RNGTT: variants seen among roughly 807,000 people sequenced by gnomAD.
RNGTT encodes mRNA-capping enzyme.
Under a neutral mutation model 79.3 loss-of-function variants are expected in RNGTT, and 33 were observed. That is an observed-to-expected ratio of 0.42 (90% CI 0.32 to 0.56). The LOEUF (loss-of-function observed/expected upper bound fraction) is 0.56. Among genes scored for constraint, RNGTT ranks in the 20% least tolerant of loss-of-function variants. The pLI is 0.17. For missense variants in RNGTT, 497 were observed against 739.1 expected, an observed-to-expected ratio of 0.67 and a Z score of 3.80; for synonymous variants, 222 against 235.9, an observed-to-expected ratio of 0.94 and a Z score of 0.54.
intron 1 of RNGTT, among the ~76,000 whole-genome samples, chr6:88,952,377 T>C (rs9353636): frequency 0.042 from 6,354 of 152,222 alleles, 193 homozygotes; most frequent in African/African-American, 0.078. Context: ...CTTGGGAGCT[T>C]TATGCCCCAC....
chr6:88,707,138 T>C lies in RNGTT; in HGVS notation c.1440-28719A>G, dbSNP rs576813880. 1.1e-3 allele frequency among the ~76,000 whole-genome samples: 174 copies of C among 152,298 alleles called. 5 individuals are homozygous for C. The highest frequency in any genetic ancestry group is 4.0e-3 in the African/African-American group (167 of 41,558). ...AACACTAATAATCATTTACATTTTA[T>C]TGTATCAGTCAATAAGATGAGTAAA... On this transcript the variant is annotated intron_variant, in intron 13 of 15. Transcript: ENST00000369485.
chr6:88,764,244 TC>T (rs1198248985), intron 13 of RNGTT, among the ~76,000 whole-genome samples: 1 of 152,238 alleles, frequency 6.6e-6, no homozygotes, highest in African/African-American at 2.4e-5. Flanking sequence ...AGACAATTCT[TC>T]AACTAAATTC....
At chr6:88,734,802 T>C (rs1389259543) in intron 13 of RNGTT, among the ~76,000 whole-genome samples, 1 of 152,154 alleles carries the variant, frequency 6.6e-6, no homozygotes, top group Non-Finnish European at 1.5e-5. Context: ...TTCACTACAG[T>C]ATTCAATAAG....
chr6:88,700,413 A>G (rs1031777242), intron 13 of RNGTT, among the ~76,000 whole-genome samples: 1 of 151,848 alleles, frequency 6.6e-6, no homozygotes, highest in Non-Finnish European at 1.5e-5. Flanking sequence ...TTCCTTCCTC[A>G]TCTCCTCCTT....
chr6:88,620,056 G>A (rs143676878), intron 14 of RNGTT, among the ~76,000 whole-genome samples: 10 of 152,230 alleles, frequency 6.6e-5, no homozygotes, highest in East Asian at 1.9e-4. Context: ...TTTAAAACAC[G>A]TTAGACTAGT....
rs1784826879 is a variant in RNGTT at position 88,940,986 on chromosome 6, A to C, written c.174+85T>G. On this transcript the variant is annotated intron_variant, in intron 2 of 15. Transcript: ENST00000369485. ...TTGAGTCTATTAATTATTTTAAAATAATAAGATTTTTTTAAAAGCCACCTG... is the reference window on the plus strand; with the variant it reads ...TTGAGTCTATTAATTATTTTAAAATCATAAGATTTTTTTAAAAGCCACCTG... The C allele has an allele frequency of 1.5e-5, 10 of 677,204 alleles. No homozygotes were observed. In the South Asian group the frequency reaches 2.2e-4, roughly 15 times the overall value. The allele number at this position is 677,204 out of a possible 1,614,324, so 41.9% of individuals were successfully genotyped here. A position where few individuals can be genotyped will look rare whatever the true frequency, so the allele number is the denominator to read the frequency against.
chr6:88,806,634 C>T lies in RNGTT; in HGVS notation c.1270-5002G>A, dbSNP rs9353616. 2.3e-3 allele frequency among the ~76,000 whole-genome samples: 348 copies of T among 152,170 alleles called. 9 individuals are homozygous for T. In the East Asian group the frequency reaches 0.05, roughly 22 times the overall value. ...CCGGCCTGAAAAAGGAACACTGTTA[C>T]ACTGTGAGTGGGAGTGTAAATTAGT... On this transcript the variant is annotated intron_variant, in intron 11 of 15. Transcript: ENST00000369485.
rs557359029 is a variant in RNGTT, at chr6:88,745,583, A to C, written c.1439+24191T>G. Among the ~76,000 whole-genome samples the C allele has an allele frequency of 1.1e-4, 16 of 152,310 alleles. No individual in the cohort carries two copies. In the South Asian group the frequency reaches 2.9e-3, roughly 28 times the overall value. On this transcript the variant is annotated intron_variant, in intron 13 of 15. Coordinates refer to ENST00000369485, the MANE Select transcript of RNGTT (RefSeq NM_003800.5). Reference sequence around the variant, plus strand: ...ATTTCACCTGTTTCTACTTTTTATTATGGTTACTAGAAAAATTTAATTACA... The same window carrying C: ...ATTTCACCTGTTTCTACTTTTTATTCTGGTTACTAGAAAAATTTAATTACA...
At chr6:88,874,974 T>TA (rs1381198545) in intron 8 of RNGTT, among the ~76,000 whole-genome samples, 5 of 152,238 alleles carry the variant, frequency 3.3e-5, no homozygotes, top group South Asian at 2.1e-4. Context: ...TTATATCTCT[T>TA]ACTACATCTT....
chr6:88,671,079 T>A (rs1000298038), intron 14 of RNGTT, among the ~76,000 whole-genome samples: 4 of 152,148 alleles, frequency 2.6e-5, no homozygotes, highest in African/African-American at 7.2e-5. Context: ...CTTCTATTCA[T>A]TACAGTAATG....
chr6:88,793,460 T>C (rs1779487685), intron 12 of RNGTT, among the ~76,000 whole-genome samples: 1 of 152,234 alleles, frequency 6.6e-6, no homozygotes, highest in Non-Finnish European at 1.5e-5. Flanking sequence ...TGGAAGAAGC[T>C]GACCATGTCC....
At chr6:88,628,308 A>C (rs147126147) in intron 14 of RNGTT, among the ~76,000 whole-genome samples, 289 of 152,220 alleles carry the variant, frequency 1.9e-3, no homozygotes, top group Admixed American at 3.5e-3. Flanking sequence ...CAAAAACACC[A>C]CAATAACTTC....
chr6:88,860,993 C>T (rs1452369364), intron 8 of RNGTT, among the ~76,000 whole-genome samples: 1 of 152,066 alleles, frequency 6.6e-6, no homozygotes, highest in Non-Finnish European at 1.5e-5. Flanking sequence ...TACCTGGTAA[C>T]TTCATGCCAA....
chr6:88,743,372 C>T lies in RNGTT; in HGVS notation c.1439+26402G>A, dbSNP rs547645374. On this transcript the variant is annotated intron_variant, in intron 13 of 15. Coordinates refer to ENST00000369485, the MANE Select transcript of RNGTT (RefSeq NM_003800.5). Reference sequence around the variant, plus strand: ...CTTAACCACTTTTAAGTGAACAGTTCGGTGGTATTAAATACATTCATAATG... The same window carrying T: ...CTTAACCACTTTTAAGTGAACAGTTTGGTGGTATTAAATACATTCATAATG... 5.9e-5 allele frequency among the ~76,000 whole-genome samples: 9 copies of T among 152,174 alleles called. No individual in the cohort carries two copies. The East Asian group carries it at 9.6e-4, about 16-fold the overall frequency.
At chr6:88,651,115 A>C (rs891721096) in intron 14 of RNGTT, among the ~76,000 whole-genome samples, 26 of 152,190 alleles carry the variant, frequency 1.7e-4, no homozygotes, top group African/African-American at 5.5e-4. Flanking sequence ...TATGTTAAAA[A>C]AAAAACAACA....
chr6:88,882,501 G>A (rs1231739065), intron 8 of RNGTT, among the ~76,000 whole-genome samples: 1 of 152,168 alleles, frequency 6.6e-6, no homozygotes, highest in Non-Finnish European at 1.5e-5. Flanking sequence ...AAGTCTTAGT[G>A]GTGGGGAATG....
At chr6:88,939,431 C>A (rs1046149631) in intron 2 of RNGTT, among the ~76,000 whole-genome samples, 2 of 152,030 alleles carry the variant, frequency 1.3e-5, no homozygotes, top group Admixed American at 6.5e-5. Flanking sequence ...TCAATGAATT[C>A]TTCATTTCCT....
intron 14 of RNGTT, among the ~76,000 whole-genome samples, chr6:88,657,534 CA>C (rs1774025284): frequency 6.6e-6 from 1 of 152,082 alleles, no homozygotes; most frequent in Admixed American, 6.6e-5. Context: ...TAAACAGAAT[CA>C]GGGGGTGGGG....
At chr6:88,620,587 T>C (rs1172372504) in intron 14 of RNGTT, among the ~76,000 whole-genome samples, 1 of 152,204 alleles carries the variant, frequency 6.6e-6, no homozygotes, top group Non-Finnish European at 1.5e-5. Flanking sequence ...TCACCAATGA[T>C]GATAAACATC....
Sources: allele counts gnomAD v4.1 joint callset (sites outside exome capture counted in the v4.1 genomes callset), GRCh38; gene constraint gnomAD v4.1.1; transcripts MANE v1.5; gene names NCBI Gene and HGNC (gene_info 2026-07-23, HGNC 2026-07-21).